HLCS: variants seen among roughly 807,000 people sequenced by gnomAD.
HLCS encodes holocarboxylase synthetase.
HLCS carries 53 observed loss-of-function variants against 75.0 expected under a neutral mutation model. That is an observed-to-expected ratio of 0.71 (90% CI 0.57 to 0.89). The LOEUF is 0.89. Ranked by LOEUF, HLCS falls within the 40% of genes least tolerant of loss-of-function variation. HLCS has a pLI of 0.00. For missense variants in HLCS, 966 were observed against 1,074.0 expected (o/e 0.90, Z 1.41); for synonymous variants, 431 against 428.6 (o/e 1.01, Z -0.07).
intron 4 of HLCS, among the ~76,000 whole-genome samples, chr21:36,935,628 T>C (rs1010938857): frequency 7.2e-5 from 11 of 152,306 alleles, no homozygotes; most frequent in African/African-American, 2.4e-4. Flanking sequence ...GAGCATCAAA[T>C]CCTTTAGGGC....
At chr21:36,898,132 C>T (rs925085866) in intron 5 of HLCS, among the ~76,000 whole-genome samples, 5 of 152,094 alleles carry the variant, frequency 3.3e-5, no homozygotes, top group African/African-American at 9.7e-5. Context: ...GAGAAGAGAA[C>T]GAGTCAAATG....
chr21:36,855,140 C>T (rs1343622626), intron 6 of HLCS, among the ~76,000 whole-genome samples: 1 of 152,044 alleles, frequency 6.6e-6, no homozygotes, highest in East Asian at 1.9e-4. Flanking sequence ...CAGATATGAG[C>T]ACATATTCCG....
rs2065683927 is a variant in HLCS at position 36,911,059 on chromosome 21, C to T, written c.1621-13928G>A. Among the ~76,000 whole-genome samples, 2 of 152,176 alleles carry T rather than the reference C, an allele frequency of 1.3e-5. 1 individual carries two copies. The highest frequency in any genetic ancestry group is 2.9e-5 in the Non-Finnish European group (2 of 68,028). On this transcript the variant is annotated intron_variant, in intron 5 of 10. Coordinates refer to ENST00000674895, the MANE Select transcript of HLCS (RefSeq NM_001352514.2). Reference sequence around the variant, plus strand: ...AATCTGGAGATGTGGTTTATTTAGCCCACATTTTGAACCAGCTGCAACACT... The same window carrying T: ...AATCTGGAGATGTGGTTTATTTAGCTCACATTTTGAACCAGCTGCAACACT...
intron 6 of HLCS, among the ~76,000 whole-genome samples, chr21:36,835,650 T>A (rs560606107): frequency 2.0e-5 from 3 of 152,310 alleles, no homozygotes; most frequent in African/African-American, 7.2e-5. Context: ...CCCGAGTTTA[T>A]GGCCCTGGGC....
At chr21:36,838,330 C>CACACA (rs1480562550) in intron 6 of HLCS, among the ~76,000 whole-genome samples, 4,030 of 138,522 alleles carry the variant, frequency 0.029, 191 homozygotes, top group African/African-American at 0.099. Flanking sequence ...ACACACACAC[C>CACACA]CCCACAACCA....
chr21:36,816,710 T>C (rs2061675213), intron 6 of HLCS, among the ~76,000 whole-genome samples: 1 of 152,092 alleles, frequency 6.6e-6, no homozygotes, highest in South Asian at 2.1e-4. Flanking sequence ...GTTGTAGATA[T>C]AGAAAATGAG....
chr21:36,886,827 T>TACAAGAAGTCAC (rs1285784685), intron 6 of HLCS, among the ~76,000 whole-genome samples: 2 of 152,022 alleles, frequency 1.3e-5, no homozygotes, highest in African/African-American at 4.8e-5. Context: ...CATGTGCGGA[T>TACAAGAAGTCAC]ACAAGAAGTC....
chr21:36,859,563 A>C (rs1248807706), intron 6 of HLCS, among the ~76,000 whole-genome samples: 1 of 152,208 alleles, frequency 6.6e-6, no homozygotes, highest in African/African-American at 2.4e-5. Context: ...TGAGTTTTGC[A>C]GAGGTAGGAA....
intron 5 of HLCS, among the ~76,000 whole-genome samples, chr21:36,897,776 T>C (rs1320798692): frequency 6.6e-6 from 1 of 152,116 alleles, no homozygotes; most frequent in South Asian, 2.1e-4. Context: ...GAAGAGACGT[T>C]GTCCAATCCA....
intron 5 of HLCS, among the ~76,000 whole-genome samples, chr21:36,898,869 T>C (rs1171763922): frequency 2.0e-5 from 3 of 152,130 alleles, no homozygotes; most frequent in Admixed American, 2.0e-4. Context: ...GAGACCAGCC[T>C]GGGCAACATG....
At chr21:36,804,230 C>T (rs1252852219) in intron 6 of HLCS, 2 of 152,352 alleles carry the variant, frequency 1.3e-5, no homozygotes, top group African/African-American at 2.4e-5. Context: ...CAATGCAACG[C>T]TCCCAGCAGG....
intron 6 of HLCS, among the ~76,000 whole-genome samples, chr21:36,865,651 T>C (rs557131014): frequency 8.5e-5 from 13 of 152,334 alleles, no homozygotes; most frequent in African/African-American, 2.6e-4. Context: ...ATTTCAACCC[T>C]GGTTGTTCCA....
Position 36,800,577 on chromosome 21 carries a change from G to A in HLCS, c.1893-33292C>T, listed in dbSNP as rs2061169690. On this transcript the variant is annotated intron_variant, in intron 6 of 10. Transcript: ENST00000674895. ...ACCAGTGAGGAAACAGAGGCAGGAA[G>A]GTACTAGAATTACTCCCACTTCATA... 3.3e-5 allele frequency among the ~76,000 whole-genome samples: 5 copies of A among 152,128 alleles called. No homozygotes were observed. The South Asian group carries it at 1.0e-3, about 32-fold the overall frequency.
intron 6 of HLCS, among the ~76,000 whole-genome samples, chr21:36,829,622 A>G (rs1224306173): frequency 6.6e-6 from 1 of 152,200 alleles, no homozygotes; most frequent in African/African-American, 2.4e-5. Context: ...TTCCTTCTCA[A>G]TGGGTTCACG....
At chr21:36,821,888 A>G (rs2061852994) in intron 6 of HLCS, among the ~76,000 whole-genome samples, 1 of 152,052 alleles carries the variant, frequency 6.6e-6, no homozygotes, top group East Asian at 1.9e-4. Context: ...GAAGGGAGGG[A>G]AGGAAAGAGA....
At chr21:36,931,367 G>A (rs866008704) in intron 4 of HLCS, among the ~76,000 whole-genome samples, 4 of 151,272 alleles carry the variant, frequency 2.6e-5, no homozygotes, top group Admixed American at 6.6e-5. Flanking sequence ...GGAGGCAAAT[G>A]GGTCATGCTG....
chr21:36,901,674 T>C (rs1274927608), intron 5 of HLCS, among the ~76,000 whole-genome samples: 1 of 152,190 alleles, frequency 6.6e-6, no homozygotes, highest in Non-Finnish European at 1.5e-5. Context: ...CATCATCACA[T>C]GGCGTTCTCC....
chr21:36,839,016 A>T (rs2062521771), intron 6 of HLCS, among the ~76,000 whole-genome samples: 1 of 146,278 alleles, frequency 6.8e-6, no homozygotes. Flanking sequence ...CATTCCAGAT[A>T]CACAGATATA....
chr21:36,767,000 A>G (rs1266474884), intron 7 of HLCS, among the ~76,000 whole-genome samples: 3 of 152,184 alleles, frequency 2.0e-5, no homozygotes, highest in Non-Finnish European at 4.4e-5. Flanking sequence ...ATTCATAAGC[A>G]TTATGATTTG....
Sources: allele counts gnomAD v4.1 joint callset (sites outside exome capture counted in the v4.1 genomes callset), GRCh38; gene constraint gnomAD v4.1.1; transcripts MANE v1.5; gene names NCBI Gene and HGNC (gene_info 2026-07-23, HGNC 2026-07-21).